Variants in NRG1 observed in about 807,000 individuals in gnomAD.
The protein encoded by NRG1 is neuregulin 1, also known as pro-neuregulin-1, membrane-bound isoform.
In NRG1, 18 loss-of-function variants were observed where a neutral mutation model predicts 63.8. That is an observed-to-expected ratio of 0.28 (90% CI 0.19 to 0.42). NRG1 has a LOEUF of 0.42. NRG1 is among the 10% of genes least tolerant of loss of function. The pLI, the probability that NRG1 is intolerant of heterozygous loss-of-function variation, is 1.00. For missense variants in NRG1, 762 were observed against 814.7 expected (o/e 0.94, Z 0.79); for synonymous variants, 302 against 301.3 (o/e 1.00, Z -0.02).
chr8:31,725,128 G>T (rs147410241), intron 1 of NRG1, among the ~76,000 whole-genome samples: 7 of 152,244 alleles, frequency 4.6e-5, no homozygotes, highest in African/African-American at 1.4e-4. Flanking sequence ...TAGCCCACAG[G>T]CTGTATAAAA....
At chr8:32,761,326 G>A (rs182309972) in intron 11 of NRG1, among the ~76,000 whole-genome samples, 84 of 152,176 alleles carry the variant, frequency 5.5e-4, no homozygotes, top group African/African-American at 2.0e-3. Context: ...TTACTAAAAG[G>A]TTTACATAAT....
intron 1 of NRG1, among the ~76,000 whole-genome samples, chr8:31,848,305 AT>A: frequency 6.6e-6 from 1 of 152,276 alleles, no homozygotes; most frequent in East Asian, 1.9e-4. Flanking sequence ...GGTATTTTGG[AT>A]TACACAGAGT....
chr8:32,039,316 T>G (rs1274961350), intron 1 of NRG1, among the ~76,000 whole-genome samples: 1 of 152,218 alleles, frequency 6.6e-6, no homozygotes, highest in Admixed American at 6.5e-5. Context: ...CGATTGTTAT[T>G]CTAGTGTTGG....
chr8:32,702,601 C>T (rs1815223423), intron 5 of NRG1, among the ~76,000 whole-genome samples: 1 of 152,192 alleles, frequency 6.6e-6, no homozygotes, highest in African/African-American at 2.4e-5. Context: ...ATTCTCCTGC[C>T]TCAGCCTGCT....
At chr8:31,798,444 A>T (rs1369559263) in intron 1 of NRG1, among the ~76,000 whole-genome samples, 2 of 152,154 alleles carry the variant, frequency 1.3e-5, no homozygotes, top group Admixed American at 6.5e-5. Flanking sequence ...GCTGTCTTGC[A>T]TTGTTCCCAT....
intron 1 of NRG1, among the ~76,000 whole-genome samples, chr8:32,472,427 C>T (rs902317559): frequency 6.6e-6 from 1 of 152,230 alleles, no homozygotes; most frequent in African/African-American, 2.4e-5. Context: ...ACCTTGGTCT[C>T]TCAAAGTGCT....
intron 2 of NRG1, among the ~76,000 whole-genome samples, chr8:32,605,170 A>G (rs1356688934): frequency 6.6e-6 from 1 of 152,202 alleles, no homozygotes; most frequent in African/African-American, 2.4e-5. Flanking sequence ...ATGATTTTAT[A>G]CATTTTTCTC....
At chr8:31,771,886 G>T (rs551889855) in intron 1 of NRG1, among the ~76,000 whole-genome samples, 1 of 152,144 alleles carries the variant, frequency 6.6e-6, no homozygotes, top group Non-Finnish European at 1.5e-5. Context: ...TACAAGCACA[G>T]TGCAAAAATA....
intron 1 of NRG1, among the ~76,000 whole-genome samples, chr8:32,542,667 G>A (rs1446188465): frequency 6.6e-6 from 1 of 152,210 alleles, no homozygotes; most frequent in Non-Finnish European, 1.5e-5. Flanking sequence ...GGAGGCCTTT[G>A]TGCAGGAAGC....
chr8:31,817,671 T>A (rs1224481590), intron 1 of NRG1, among the ~76,000 whole-genome samples: 2 of 152,344 alleles, frequency 1.3e-5, no homozygotes, highest in Non-Finnish European at 2.9e-5. Flanking sequence ...TTTCTCAGCA[T>A]TGAGGCATGT....
intron 1 of NRG1, among the ~76,000 whole-genome samples, chr8:32,083,376 G>C (rs556848959): frequency 1.3e-5 from 2 of 152,318 alleles, no homozygotes; most frequent in South Asian, 2.1e-4. Context: ...CAAATTTAAA[G>C]GCCAAAGAGT....
chr8:32,009,802 C>CGA (rs753960713), intron 1 of NRG1, among the ~76,000 whole-genome samples: 5 of 151,946 alleles, frequency 3.3e-5, no homozygotes, highest in Non-Finnish European at 7.4e-5. Context: ...GACCAATATG[C>CGA]TCTACCAATG....
intron 1 of NRG1, among the ~76,000 whole-genome samples, chr8:31,649,204 C>T (rs1804602118): frequency 6.6e-6 from 1 of 152,210 alleles, no homozygotes; most frequent in South Asian, 2.1e-4. Context: ...ATCCGCCTGC[C>T]TCGGCCTCCC....
chr8:32,363,079 T>C (rs1807444261), intron 1 of NRG1, among the ~76,000 whole-genome samples: 1 of 152,206 alleles, frequency 6.6e-6, no homozygotes, highest in South Asian at 2.1e-4. Flanking sequence ...TGGTCATTTG[T>C]ATCCCTCTTG....
At chr8:32,640,245 TCACACACACACACA>T (rs111977984) in intron 5 of NRG1, among the ~76,000 whole-genome samples, 1 of 147,530 alleles carries the variant, frequency 6.8e-6, no homozygotes, top group Non-Finnish European at 1.5e-5. Flanking sequence ...CTTCTTTTTG[TCACACACACACACA>T]CACACACACA....
chr8:31,806,234 A>T (rs1004591080), intron 1 of NRG1, among the ~76,000 whole-genome samples: 2 of 152,200 alleles, frequency 1.3e-5, no homozygotes, highest in Non-Finnish European at 2.9e-5. Flanking sequence ...TCAGCATCCT[A>T]AGTGTATTTG....
chr8:32,379,473 A>G (rs1208123441), intron 1 of NRG1, among the ~76,000 whole-genome samples: 1 of 152,220 alleles, frequency 6.6e-6, no homozygotes, highest in Non-Finnish European at 1.5e-5. Context: ...ACATTTTGAA[A>G]GAACTAGTCT....
At position 32,189,269 on chromosome 8, in the gene NRG1, T is replaced by G. The variant is rs561335836; in HGVS notation, c.38-406559T>G. On this transcript the variant is annotated intron_variant, in intron 1 of 10. Coordinates refer to the NRG1 transcript ENST00000519301. ...CCTCAGTAGTCCCCAGTGTCTGTTG[T>G]TCCCATCTTTATGTTCATGTGTATC... 2.0e-5 allele frequency among the ~76,000 whole-genome samples: 3 copies of G among 152,298 alleles called. No individual in the cohort carries two copies. The East Asian group carries it at 5.8e-4, about 29-fold the overall frequency.
chr8:32,233,530 C>G (rs1476368823), intron 1 of NRG1, among the ~76,000 whole-genome samples: 1 of 110,598 alleles, frequency 9.0e-6, no homozygotes, highest in Admixed American at 1.2e-4. Context: ...GCTCATAACT[C>G]GAAAGAATAT....
Sources: gnomAD v4.1 joint callset for allele counts (sites outside exome capture counted in the v4.1 genomes callset) on GRCh38, gnomAD v4.1.1 for gene constraint, MANE v1.5 for transcripts, NCBI Gene and HGNC (gene_info 2026-07-23, HGNC 2026-07-21) for gene names.